CERKL: variants seen among roughly 807,000 people sequenced by gnomAD.
The protein encoded by CERKL is ceramide kinase-like protein.
Under a neutral mutation model 63.4 loss-of-function variants are expected in CERKL, and 61 were observed. That is an observed-to-expected ratio of 0.96 (90% CI 0.78 to 1.19). The LOEUF is 1.19. Ranked by LOEUF, CERKL falls within the 50% of genes most tolerant of loss-of-function variation. The pLI is 0.00. For synonymous variants in CERKL, 250 were observed against 230.5 expected (o/e 1.08, Z -0.77); for missense variants, 675 against 655.5 (o/e 1.03, Z -0.33).
chr2:181,603,674 A>T, intron 2 of CERKL, 163 bp downstream of exon 2: 1 of 768,096 alleles, frequency 1.3e-6, no homozygotes, highest in Non-Finnish European at 2.3e-6. Flanking sequence ...ATTAATGTAG[A>T]AAAAGTATTT....
At chr2:181,587,832 A>C (rs1260243108) in intron 2 of CERKL, among the ~76,000 whole-genome samples, 4 of 152,134 alleles carry the variant, frequency 2.6e-5, no homozygotes, top group Non-Finnish European at 5.9e-5. Flanking sequence ...ATCATATGTA[A>C]GTAATTAGGT....
rs1026988637 is a variant in CERKL, at chr2:181,624,317, C to T, written c.239-20238G>A. Reference sequence around the variant, plus strand: ...CTGGCACAGAAGGATTACTTCAGGCCAGGAGTTCAAGACTAGACTGGGCAG... The same window carrying T: ...CTGGCACAGAAGGATTACTTCAGGCTAGGAGTTCAAGACTAGACTGGGCAG... On this transcript the variant is annotated intron_variant, in intron 1 of 12. Coordinates refer to ENST00000410087, the MANE Select transcript of CERKL (RefSeq NM_201548.5). Among the ~76,000 whole-genome samples, 11 of 151,824 alleles carry T rather than the reference C, an allele frequency of 7.2e-5. No homozygotes were observed. The South Asian group carries it at 1.9e-3, about 26-fold the overall frequency.
chr2:181,552,471 A>C (rs1027879628), intron 5 of CERKL, among the ~76,000 whole-genome samples: 1 of 152,116 alleles, frequency 6.6e-6, no homozygotes. Flanking sequence ...CTTGTGAAGA[A>C]TGTGCCTTGC....
At position 181,614,952 on chromosome 2, in the gene CERKL, T is replaced by C. The variant is rs2105909921; in HGVS notation, c.239-10873A>G. Among the ~76,000 whole-genome samples, 3 of 152,346 alleles carry C rather than the reference T, an allele frequency of 2.0e-5. No individual in the cohort carries two copies. The South Asian group carries it at 6.2e-4, about 32-fold the overall frequency. On this transcript the variant is annotated intron_variant, in intron 1 of 12. Transcript: ENST00000410087. ...TTGCAAGTTATGATAATTAAATCCT[T>C]ATGAATGACATATAATTTTGCTTGG...
At chr2:181,582,654 G>A (rs1423907411) in intron 2 of CERKL, among the ~76,000 whole-genome samples, 1 of 151,548 alleles carries the variant, frequency 6.6e-6, no homozygotes, top group East Asian at 1.9e-4. Flanking sequence ...TCCCGCCTCA[G>A]CCTCCCAAGT....
chr2:181,592,901 T>C (rs1685047320), intron 2 of CERKL, among the ~76,000 whole-genome samples: 1 of 152,156 alleles, frequency 6.6e-6, no homozygotes, highest in Non-Finnish European at 1.5e-5. Flanking sequence ...TCTATTAGTA[T>C]AATGGCAATC....
chr2:181,648,898 C>T (rs1251929523), intron 1 of CERKL, among the ~76,000 whole-genome samples: 1 of 151,858 alleles, frequency 6.6e-6, no homozygotes. Context: ...CCCATGGTAC[C>T]CACAAAGAAA....
intron 3 of CERKL, among the ~76,000 whole-genome samples, chr2:181,571,697 A>G (rs1688909875): frequency 6.6e-6 from 1 of 152,110 alleles, no homozygotes; most frequent in Non-Finnish European, 1.5e-5. Flanking sequence ...GAGCCTTCCT[A>G]GAAGTCATTT....
At chr2:181,594,676 T>C (rs1685126940) in intron 2 of CERKL, among the ~76,000 whole-genome samples, 1 of 152,162 alleles carries the variant, frequency 6.6e-6, no homozygotes, top group Non-Finnish European at 1.5e-5. Context: ...TTCTTCAAAA[T>C]ATATAATTTT....
intron 2 of CERKL, among the ~76,000 whole-genome samples, chr2:181,589,030 G>C (rs556603650): frequency 6.6e-6 from 1 of 152,108 alleles, no homozygotes; most frequent in Non-Finnish European, 1.5e-5. Flanking sequence ...CATTCCATAG[G>C]TTGTCTCTTC....
At chr2:181,629,871 C>G (rs1328206636) in intron 1 of CERKL, among the ~76,000 whole-genome samples, 2 of 151,596 alleles carry the variant, frequency 1.3e-5, no homozygotes, top group Non-Finnish European at 2.9e-5. Flanking sequence ...TCTTTCCAAG[C>G]CATTTTAATA....
At position 181,580,353 on chromosome 2, in the gene CERKL, A is replaced by G. The variant is rs180679279; in HGVS notation, c.482-6469T>C. 4.5e-4 allele frequency among the ~76,000 whole-genome samples: 68 copies of G among 150,080 alleles called. 2 individuals are homozygous for G. Among genetic ancestry groups the G allele is most frequent in the African/African-American group, 1.6e-3 (65 of 39,618 alleles). On this transcript the variant is annotated intron_variant, in intron 2 of 12. Transcript: ENST00000410087. ...AACTGGCTATAGCCTGCATATATCA[A>G]AACTATTGATTTCTATACCTAGCCC... is the stretch of plus-strand genomic sequence containing the variant.
chr2:181,653,798 G>A (rs1465741209), intron 1 of CERKL, among the ~76,000 whole-genome samples: 1 of 152,162 alleles, frequency 6.6e-6, no homozygotes, highest in Non-Finnish European at 1.5e-5. Context: ...AAGACACAAA[G>A]TTACAACTAG....
At chr2:181,591,626 C>T (rs572919826) in intron 2 of CERKL, among the ~76,000 whole-genome samples, 48 of 152,200 alleles carry the variant, frequency 3.2e-4, no homozygotes, top group African/African-American at 1.1e-3. Context: ...ATACATCATA[C>T]GATTGGGCAA....
At chr2:181,600,116 A>G (rs568733515) in intron 2 of CERKL, among the ~76,000 whole-genome samples, 1 of 152,342 alleles carries the variant, frequency 6.6e-6, no homozygotes, top group South Asian at 2.1e-4. Context: ...AGCTTCATAA[A>G]TGAAGGAGAA....
At chr2:181,540,509 A>T (rs1158376687) in intron 11 of CERKL, among the ~76,000 whole-genome samples, 1 of 152,176 alleles carries the variant, frequency 6.6e-6, no homozygotes, top group African/African-American at 2.4e-5. Flanking sequence ...GCGGGACCTA[A>T]TCCAATATGA....
intron 8 of CERKL, 192 bp downstream of exon 8, chr2:181,548,353 A>AGGGAGGAAAGAG: frequency 1.7e-6 from 1 of 594,856 alleles, no homozygotes. Context: ...GGAGGAAAGA[A>AGGGAGGAAAGAG]GGAAGGAAAA....
chr2:181,650,570 C>A (rs1687885284), intron 1 of CERKL, among the ~76,000 whole-genome samples: 1 of 152,016 alleles, frequency 6.6e-6, no homozygotes, highest in South Asian at 2.1e-4. Flanking sequence ...ACCAGCCTGA[C>A]CAACATGGAG....
rs1354546240 is a variant in CERKL, at chr2:181,611,422, G to T, written c.239-7343C>A. ...GCCTGTGATTGCAGTGTTTTGGGAGGCTGAGGCAGGAGGATAACTTGAGCC... is the reference window on the plus strand; with the variant it reads ...GCCTGTGATTGCAGTGTTTTGGGAGTCTGAGGCAGGAGGATAACTTGAGCC... On this transcript the variant is annotated intron_variant, in intron 1 of 12. Transcript: ENST00000410087. Among the ~76,000 whole-genome samples, 4 of 152,070 alleles carry T rather than the reference G, an allele frequency of 2.6e-5. No individual in the cohort carries two copies. In the East Asian group the frequency reaches 7.7e-4, roughly 29 times the overall value.
Sources: allele counts gnomAD v4.1 joint callset (sites outside exome capture counted in the v4.1 genomes callset), GRCh38; gene constraint gnomAD v4.1.1; transcripts MANE v1.5; gene names NCBI Gene and HGNC (gene_info 2026-07-23, HGNC 2026-07-21).